Variants in DPEP1 observed in about 807,000 individuals in gnomAD.
DPEP1 encodes the protein beta-lactamase.
A neutral mutation model predicts 42.3 loss-of-function variants in DPEP1; 50 were observed. The ratio of observed to expected loss-of-function variants is 1.18; its 90% CI spans 0.94 to 1.50. The LOEUF is 1.50. Ranked by LOEUF, DPEP1 falls within the 40% of genes most tolerant of loss-of-function variation. The pLI, the probability that DPEP1 is intolerant of heterozygous loss-of-function variation, is 0.00. For missense variants in DPEP1, 663 were observed against 553.0 expected, an observed-to-expected ratio of 1.20 and a Z score of -1.99; for synonymous variants, 297 against 234.0, an observed-to-expected ratio of 1.27 and a Z score of -2.46.
chr16:89,625,803 A>G (rs553043787), intron 1 of DPEP1, among the ~76,000 whole-genome samples: 40 of 152,320 alleles, frequency 2.6e-4, no homozygotes, highest in Admixed American at 2.6e-4. Context: ...GGACTGTCGT[A>G]AAGTAGGTAC....
At chr16:89,634,907 C>G (rs2059648301) in intron 2 of DPEP1, among the ~76,000 whole-genome samples, 1 of 89,102 alleles carries the variant, frequency 1.1e-5, no homozygotes, top group Admixed American at 1.1e-4. Context: ...TCCCTTCCTT[C>G]CCTTTCCCCT....
At chr16:89,627,623 C>A (rs1597754866) in intron 1 of DPEP1, among the ~76,000 whole-genome samples, 1 of 138,724 alleles carries the variant, frequency 7.2e-6, no homozygotes, top group African/African-American at 2.7e-5. Context: ...AAAGGAAGGG[C>A]AGGGGAACCC....
chr16:89,614,489 T>G (rs530075913), intron 1 of DPEP1, among the ~76,000 whole-genome samples: 2 of 152,320 alleles, frequency 1.3e-5, no homozygotes, highest in South Asian at 4.1e-4. Flanking sequence ...TGGAAAGGAT[T>G]TGCTGAATGA....
rs1340641674 is a variant in DPEP1 at position 89,638,216 on chromosome 16, C to T, written c.1230C>T (p.Leu410=). The T allele has an allele frequency of 1.9e-6, 3 of 1,555,360 alleles. No homozygotes were observed. The highest frequency in any genetic ancestry group is 2.6e-6 in the Non-Finnish European group (3 of 1,150,262). Residue 410 remains leucine (L), a synonymous_variant, in exon 11 of 11, where the codon CTC becomes CTT. Transcript: ENST00000690203. ...SLAPLVLCLS[L]L ...CTCCCCTGGTCCTCTGTCTGTCTCT[C>T]CTGTGAAACCTGGGAGACCAGAGTC...
chr16:89,626,300 G>A (rs529027627), intron 1 of DPEP1, among the ~76,000 whole-genome samples: 19 of 152,154 alleles, frequency 1.2e-4, no homozygotes, highest in Non-Finnish European at 2.5e-4. Context: ...CCATGTTCTC[G>A]TGGTAGCGAG....
chr16:89,622,215 G>A (rs375048002), intron 1 of DPEP1, among the ~76,000 whole-genome samples: 116 of 152,208 alleles, frequency 7.6e-4, no homozygotes, highest in African/African-American at 2.7e-3. Context: ...ATTAACTTTC[G>A]GGGCCAGGAC....
intron 1 of DPEP1, among the ~76,000 whole-genome samples, chr16:89,615,688 G>A (rs538437077): frequency 1.1e-4 from 16 of 152,344 alleles, no homozygotes; most frequent in South Asian, 8.3e-4. Context: ...GCAGGACCCC[G>A]CGAGGCCCCG....
rs2151501076 is a variant in DPEP1, at chr16:89,636,055, G to C, written c.237+15G>C. On this transcript the variant is annotated intron_variant, in intron 3 of 10. Coordinates refer to ENST00000690203, the MANE Select transcript of DPEP1 (RefSeq NM_001389466.1). ...TGGGAGGCCAGGTACCGCCTGCCCT[G>C]CCTTGTGCTTGCCCTGTGTGGGGTC... is the stretch of plus-strand genomic sequence containing the variant. The C allele has an allele frequency of 6.2e-7, 1 of 1,600,310 alleles. No individual in the cohort carries two copies. The highest frequency in any genetic ancestry group is 1.3e-5 in the African/African-American group (1 of 74,926).
chr16:89,615,605 C>A (rs2059373115), intron 1 of DPEP1, among the ~76,000 whole-genome samples: 1 of 152,180 alleles, frequency 6.6e-6, no homozygotes, highest in Non-Finnish European at 1.5e-5. Flanking sequence ...GTCTTCAGAG[C>A]CCACAGGCAG....
chr16:89,625,161 C>G (rs550231277), intron 1 of DPEP1, among the ~76,000 whole-genome samples: 2 of 152,096 alleles, frequency 1.3e-5, no homozygotes. Flanking sequence ...ACTCTCTCCC[C>G]CTGACCTTGG....
intron 1 of DPEP1, among the ~76,000 whole-genome samples, chr16:89,620,086 C>T (rs2059430103): frequency 6.6e-6 from 1 of 151,342 alleles, no homozygotes; most frequent in African/African-American, 2.4e-5. Flanking sequence ...GTGCGGTCCA[C>T]ACGCAGACCC....
chr16:89,636,794 C>T, intron 5 of DPEP1, 72 bp from the exon 6 acceptor site: 2 of 1,603,640 alleles, frequency 1.2e-6, no homozygotes, highest in East Asian at 4.5e-5. Flanking sequence ...CCAGGCCGGG[C>T]CTCGCCTGCT....
upstream of DPEP1, chr16:89,613,357 T>G (rs965975484): frequency 1.3e-5 from 2 of 151,550 alleles, no homozygotes; most frequent in African/African-American, 4.9e-5. Flanking sequence ...CTCAGGGCAC[T>G]CTCAGGAAAT....
intron 1 of DPEP1, among the ~76,000 whole-genome samples, chr16:89,615,068 G>C (rs1454160729): frequency 6.6e-6 from 1 of 152,222 alleles, no homozygotes; most frequent in East Asian, 1.9e-4. Context: ...GTCATGGGTG[G>C]AAGGGGGCAT....
intron 2 of DPEP1, among the ~76,000 whole-genome samples, 194 bp downstream of exon 2, chr16:89,630,708 G>T (rs1288944251): frequency 1.0e-5 from 1 of 95,428 alleles, no homozygotes; most frequent in African/African-American, 4.6e-5. Flanking sequence ...GGCTGGGGGA[G>T]CCGGGGCTGG....
intron 1 of DPEP1, among the ~76,000 whole-genome samples, chr16:89,627,737 T>C (rs767630965): frequency 7.7e-6 from 1 of 129,864 alleles, no homozygotes; most frequent in Non-Finnish European, 1.6e-5. Flanking sequence ...CTCGGCTCAC[T>C]GCAACCTCCG....
chr16:89,637,230 G>C lies in DPEP1; in HGVS notation c.618G>C (p.Leu206=). The C allele has an allele frequency of 6.2e-7, 1 of 1,612,682 alleles. No homozygotes were observed. The highest frequency in any genetic ancestry group is 1.1e-5 in the South Asian group (1 of 91,076). The change falls in exon 7 of 11, where the codon CTG becomes CTC. Residue 206 remains leucine, a synonymous_variant. Coordinates refer to ENST00000690203, the MANE Select transcript of DPEP1 (RefSeq NM_001389466.1). ...GQRVVKELNR[L]GVLIDLAHVS... The stretch of plus-strand genomic sequence containing the variant: ...GTGTGGTGAAGGAGCTGAACCGTCT[G>C]GGGGTCCTCATCGACTTGGCTCACG...
At chr16:89,625,654 G>C (rs1006029221) in intron 1 of DPEP1, among the ~76,000 whole-genome samples, 2 of 152,166 alleles carry the variant, frequency 1.3e-5, no homozygotes, top group Non-Finnish European at 2.9e-5. Context: ...GAAGATAAGG[G>C]CACCCAGTGT....
At chr16:89,616,771 G>T (rs1162478261) in intron 1 of DPEP1, 2 of 274,540 alleles carry the variant, frequency 7.3e-6, no homozygotes, top group Non-Finnish European at 1.4e-5. Context: ...CCAGGAAGCG[G>T]CCAGGAAGCA....
Sources: gnomAD v4.1 joint callset for allele counts (sites outside exome capture counted in the v4.1 genomes callset) on GRCh38, gnomAD v4.1.1 for gene constraint, MANE v1.5 for transcripts, NCBI Gene and HGNC (gene_info 2026-07-23, HGNC 2026-07-21) for gene names.